Variants in TANC2 observed in about 807,000 individuals in gnomAD.
TANC2 encodes the protein protein TANC2.
TANC2 carries 26 observed loss-of-function variants against 210.5 expected under a neutral mutation model. That is an observed-to-expected ratio of 0.12 (90% CI 0.09 to 0.17). The LOEUF (loss-of-function observed/expected upper bound fraction) is 0.17, where lower values mean the gene tolerates loss of function less well. Among genes scored for constraint, TANC2 ranks in the 10% least tolerant of loss-of-function variants. The probability of loss-of-function intolerance (pLI) is 1.00; values close to 1 mark genes in which losing one functional copy is unlikely to be tolerated. For missense variants in TANC2, 2,129 were observed against 2,608.9 expected (o/e 0.82, Z 4.01); for synonymous variants, 931 against 967.1 (o/e 0.96, Z 0.69).
At chr17:63,067,424 G>T (rs753280149) in intron 2 of TANC2, among the ~76,000 whole-genome samples, 1 of 151,892 alleles carries the variant, frequency 6.6e-6, no homozygotes, top group East Asian at 1.9e-4. Context: ...ACATATTTCA[G>T]CCTGAAAAGT....
intron 1 of TANC2, among the ~76,000 whole-genome samples, chr17:62,995,273 T>C (rs1427878185): frequency 1.3e-5 from 2 of 152,202 alleles, no homozygotes; most frequent in African/African-American, 4.8e-5. Flanking sequence ...ACAGTTGTAG[T>C]TGGTTTGGAG....
chr17:62,987,637 G>A lies in TANC2; in HGVS notation c.-24+20888G>A, dbSNP rs902712659. The stretch of plus-strand genomic sequence containing the variant: ...ACTCCAGGCAGATCTGATCCAGGTG[G>A]GAAGATAGGGCTACAGAGGCTGGGT... On this transcript the variant is annotated intron_variant, in intron 1 of 27. Coordinates refer to ENST00000689528, the Ensembl canonical transcript of TANC2. Among the ~76,000 whole-genome samples the A allele has an allele frequency of 4.6e-5, 7 of 152,156 alleles. 1 individual carries two copies. The highest frequency in any genetic ancestry group is 2.9e-5 in the Non-Finnish European group (2 of 68,034).
intron 9 of TANC2, among the ~76,000 whole-genome samples, chr17:63,278,801 T>C (rs2043972439): frequency 6.6e-6 from 1 of 152,126 alleles, no homozygotes; most frequent in Non-Finnish European, 1.5e-5. Context: ...TATGCTACAA[T>C]ATGAATGAAA....
At chr17:63,316,019 A>C (rs954253094) in intron 10 of TANC2, among the ~76,000 whole-genome samples, 2 of 152,110 alleles carry the variant, frequency 1.3e-5, no homozygotes, top group African/African-American at 4.8e-5. Context: ...GTGCCCCAAC[A>C]CTCAAATTGA....
At chr17:63,070,551 C>T (rs1425855065) in intron 2 of TANC2, among the ~76,000 whole-genome samples, 1 of 152,130 alleles carries the variant, frequency 6.6e-6, no homozygotes, top group East Asian at 1.9e-4. Context: ...TCTAATTAGC[C>T]TTCTAAACTA....
intron 13 of TANC2, among the ~76,000 whole-genome samples, chr17:63,354,379 C>G (rs968938368): frequency 6.6e-6 from 1 of 152,126 alleles, no homozygotes; most frequent in African/African-American, 2.4e-5. Flanking sequence ...AGAAAGCCAA[C>G]TTTTTCTAAG....
intron 17 of TANC2, among the ~76,000 whole-genome samples, chr17:63,395,454 G>A (rs537178384): frequency 6.6e-6 from 1 of 152,212 alleles, no homozygotes; most frequent in South Asian, 2.1e-4. Context: ...TTTACCTCAG[G>A]AAGACGAAGC....
rs2048131456 is a variant in TANC2 at position 63,395,657 on chromosome 17, T to TGTGC, written c.3052-86_3052-85insGTGC. 5 of 1,257,130 alleles carry TGTGC rather than the reference T, an allele frequency of 4.0e-6. No homozygotes were observed. In the Admixed American group the frequency reaches 1.0e-4, roughly 25 times the overall value. The allele number at this position is 1,257,130 out of a possible 1,614,324, so 77.9% of individuals were successfully genotyped here. A position where few individuals can be genotyped will look rare whatever the true frequency, so the allele number is the denominator to read the frequency against. On this transcript the variant is annotated intron_variant, in intron 17 of 27. Transcript: ENST00000689528. The stretch of plus-strand genomic sequence containing the variant: ...GTGGAAAGGATGATTCTTAGTAGCC[T>TGTGC]AGGCTTGTGCAGTGGCGGATGTGAC...
At chr17:63,261,488 T>G (rs1225240213) in intron 8 of TANC2, among the ~76,000 whole-genome samples, 1 of 151,960 alleles carries the variant, frequency 6.6e-6, no homozygotes, top group Non-Finnish European at 1.5e-5. Context: ...CCAAGAAGGG[T>G]TCTGTGGAGA....
At chr17:63,115,068 G>C (rs1289995591) in intron 4 of TANC2, among the ~76,000 whole-genome samples, 1 of 152,264 alleles carries the variant, frequency 6.6e-6, no homozygotes, top group African/African-American at 2.4e-5. Flanking sequence ...TTGATGATGG[G>C]GAGGTGGGAG....
chr17:62,992,203 G>T, intron 1 of TANC2, among the ~76,000 whole-genome samples: 1 of 152,088 alleles, frequency 6.6e-6, no homozygotes, highest in Non-Finnish European at 1.5e-5. Context: ...CAAGTGTGGG[G>T]CTGTCTTAAA....
chr17:63,079,544 A>C (rs1468879196), intron 3 of TANC2, among the ~76,000 whole-genome samples: 1 of 152,146 alleles, frequency 6.6e-6, no homozygotes, highest in Non-Finnish European at 1.5e-5. Flanking sequence ...TATAGATAGC[A>C]CTCAAAATAT....
rs73323783 is a variant in TANC2, at chr17:63,226,536, A to G, written c.770-11278A>G. The stretch of plus-strand genomic sequence containing the variant: ...TCATAGGTAGCTTGAGTGTACATTT[A>G]TACCACGGAGATCAGCAAACACTGC... On this transcript the variant is annotated intron_variant, in intron 7 of 27. Transcript: ENST00000689528. 9.1e-4 allele frequency among the ~76,000 whole-genome samples: 139 copies of G among 152,310 alleles called. 2 individuals carry two copies. The highest frequency in any genetic ancestry group is 3.3e-3 in the African/African-American group (136 of 41,578).
At chr17:63,349,752 G>C (rs1214817271) in intron 12 of TANC2, among the ~76,000 whole-genome samples, 2 of 152,142 alleles carry the variant, frequency 1.3e-5, no homozygotes, top group African/African-American at 2.4e-5. Context: ...TTAAAGGCAT[G>C]GTTAAGCTTA....
At chr17:63,422,338 G>A (rs1045867384) in exon 28 of TANC2, 3 of 186,456 alleles carry the variant, frequency 1.6e-5, no homozygotes, top group African/African-American at 2.4e-5. Context: ...AGGTGTTCTT[G>A]TTCGTTTTCT....
intron 1 of TANC2, chr17:63,005,211 CT>C (rs150783266): frequency 0.03 from 4,502 of 152,164 alleles, 84 homozygotes; most frequent in South Asian, 0.037. Flanking sequence ...AAAGACTTTC[CT>C]TTTACCTATT....
At chr17:63,252,307 A>T (rs1360534511) in intron 8 of TANC2, among the ~76,000 whole-genome samples, 2 of 152,120 alleles carry the variant, frequency 1.3e-5, no homozygotes, top group East Asian at 3.8e-4. Context: ...ACAATATGTA[A>T]TAATCACATC....
At chr17:63,008,943 C>T (rs1318028742) in intron 1 of TANC2, among the ~76,000 whole-genome samples, 2 of 151,996 alleles carry the variant, frequency 1.3e-5, no homozygotes, top group Non-Finnish European at 2.9e-5. Context: ...TTATAGCTAC[C>T]TAATTATGTT....
At chr17:63,263,124 T>C (rs1408297216) in intron 8 of TANC2, among the ~76,000 whole-genome samples, 1 of 152,194 alleles carries the variant, frequency 6.6e-6, no homozygotes, top group Non-Finnish European at 1.5e-5. Context: ...GTGTGTATTG[T>C]TAAGCACATT....
Sources: gnomAD v4.1 joint callset for allele counts (sites outside exome capture counted in the v4.1 genomes callset) on GRCh38, gnomAD v4.1.1 for gene constraint, MANE v1.5 for transcripts, NCBI Gene and HGNC (gene_info 2026-07-23, HGNC 2026-07-21) for gene names.